Variants in LTBP1 observed in about 807,000 individuals in gnomAD.
LTBP1 encodes latent transforming growth factor beta binding protein 1, also known as latent-transforming growth factor beta-binding protein 1.
In LTBP1, 129 loss-of-function variants were observed where a neutral mutation model predicts 207.6. The observed-to-expected ratio is 0.62, with a 90% CI of 0.54 to 0.72. The LOEUF is 0.72. Among genes scored for constraint, LTBP1 ranks in the 30% least tolerant of loss-of-function variants. The pLI is 0.00. For synonymous variants in LTBP1, 963 were observed against 833.7 expected (o/e 1.16, Z -2.67); for missense variants, 2,281 against 2,217.2 (o/e 1.03, Z -0.58).
intron 24 of LTBP1, among the ~76,000 whole-genome samples, chr2:33,339,912 T>C (rs1332576580): frequency 6.6e-6 from 1 of 152,116 alleles, no homozygotes; most frequent in African/African-American, 2.4e-5. Flanking sequence ...CCCAAAGTGC[T>C]GGGATTACAG....
At chr2:33,138,220 C>G (rs1368563424) in intron 5 of LTBP1, among the ~76,000 whole-genome samples, 1 of 152,162 alleles carries the variant, frequency 6.6e-6, no homozygotes, top group Non-Finnish European at 1.5e-5. Context: ...TTTCGCATGA[C>G]TATTGAGCAT....
intron 20 of LTBP1, among the ~76,000 whole-genome samples, chr2:33,299,996 T>C (rs1190219727): frequency 6.6e-6 from 1 of 152,230 alleles, no homozygotes; most frequent in Non-Finnish European, 1.5e-5. Flanking sequence ...TAGTTCAACT[T>C]CTAGACAAAG....
At chr2:32,954,334 T>C (rs1026368466) in intron 2 of LTBP1, among the ~76,000 whole-genome samples, 3 of 152,234 alleles carry the variant, frequency 2.0e-5, no homozygotes, top group Non-Finnish European at 2.9e-5. Context: ...AGAAATGTAT[T>C]GTCTCACAGT....
intron 9 of LTBP1, among the ~76,000 whole-genome samples, chr2:33,235,834 A>T (rs1002600434): frequency 6.6e-6 from 1 of 152,208 alleles, no homozygotes; most frequent in Non-Finnish European, 1.5e-5. Flanking sequence ...GTTCTCACTC[A>T]TAAGTGGGAG....
At chr2:33,063,345 C>T (rs183820290) in intron 3 of LTBP1, among the ~76,000 whole-genome samples, 7 of 152,156 alleles carry the variant, frequency 4.6e-5, no homozygotes, top group Admixed American at 3.3e-4. Flanking sequence ...CTCAGGAGTA[C>T]AGTGGAGTTT....
chr2:33,047,255 C>T (rs1434412508), intron 3 of LTBP1, among the ~76,000 whole-genome samples: 1 of 152,174 alleles, frequency 6.6e-6, no homozygotes, highest in African/African-American at 2.4e-5. Flanking sequence ...GCATTTAGTG[C>T]TATAAATTTC....
At chr2:33,067,033 G>T (rs1290611819) in intron 3 of LTBP1, among the ~76,000 whole-genome samples, 1 of 152,108 alleles carries the variant, frequency 6.6e-6, no homozygotes, top group Non-Finnish European at 1.5e-5. Context: ...AAAAAGCCAG[G>T]CATGGTGGCA....
At chr2:33,099,481 G>C (rs1480473815) in intron 3 of LTBP1, among the ~76,000 whole-genome samples, 1 of 152,096 alleles carries the variant, frequency 6.6e-6, no homozygotes, top group Non-Finnish European at 1.5e-5. Flanking sequence ...TGGTGTGACT[G>C]GAGAACAGTT....
In LTBP1 at chr2:33,281,696, T is replaced by C. The variant is rs1365064482; in HGVS notation, c.3112+1538T>C. Among the ~76,000 whole-genome samples, 6 of 152,208 alleles carry C rather than the reference T, an allele frequency of 3.9e-5. No individual in the cohort carries two copies. The South Asian group carries it at 1.2e-3, about 32-fold the overall frequency. On this transcript the variant is annotated intron_variant, in intron 19 of 33. Coordinates refer to ENST00000404816, the MANE Select transcript of LTBP1 (RefSeq NM_206943.4). ...GGCCCATCCCCAACCCAAGAGTCTC[T>C]GCTGATGGAGTTGTGAGATGTAGTC... is the stretch of plus-strand genomic sequence containing the variant.
At chr2:33,327,875 A>G (rs979139279) in intron 24 of LTBP1, among the ~76,000 whole-genome samples, 1 of 152,010 alleles carries the variant, frequency 6.6e-6, no homozygotes. Flanking sequence ...GCAGTGACTC[A>G]CGCCTGTAAT....
chr2:32,975,971 A>G (rs761668008), intron 2 of LTBP1, among the ~76,000 whole-genome samples: 4 of 152,172 alleles, frequency 2.6e-5, no homozygotes, highest in Admixed American at 1.3e-4. Flanking sequence ...AGGTAAGAAG[A>G]CACTCTAGCT....
chr2:32,981,726 G>C (rs1682790424), intron 2 of LTBP1, among the ~76,000 whole-genome samples: 1 of 152,098 alleles, frequency 6.6e-6, no homozygotes, highest in Non-Finnish European at 1.5e-5. Flanking sequence ...GAATCATGGG[G>C]GCGAGTTTTT....
intron 2 of LTBP1, 25 bp from the exon 3 acceptor site, chr2:33,020,884 T>C (rs759141516): frequency 6.5e-7 from 1 of 1,548,460 alleles, no homozygotes; most frequent in Non-Finnish European, 8.8e-7. Flanking sequence ...TCTTCAAAGC[T>C]GTGCCTTCTG....
intron 10 of LTBP1, among the ~76,000 whole-genome samples, chr2:33,248,998 A>G (rs1034100387): frequency 1.3e-5 from 2 of 152,138 alleles, no homozygotes; most frequent in Non-Finnish European, 2.9e-5. Flanking sequence ...CTAGACCTGT[A>G]TCCTAACACT....
At chr2:33,250,576 C>T (rs1026709585) in intron 10 of LTBP1, among the ~76,000 whole-genome samples, 1 of 152,146 alleles carries the variant, frequency 6.6e-6, no homozygotes, top group African/African-American at 2.4e-5. Context: ...AGATGAGAGA[C>T]CTCCAGTGAT....
chr2:33,108,260 TA>T (rs2080179168), intron 3 of LTBP1, among the ~76,000 whole-genome samples: 1 of 151,114 alleles, frequency 6.6e-6, no homozygotes, highest in African/African-American at 2.4e-5. Context: ...GCCTGTGGGG[TA>T]CCTGTGCACG....
chr2:33,231,596 G>A (rs961649574), intron 9 of LTBP1, among the ~76,000 whole-genome samples: 18 of 152,060 alleles, frequency 1.2e-4, no homozygotes, highest in African/African-American at 4.3e-4. Flanking sequence ...AGTACTGTGA[G>A]CAGGTAAAGG....
At chr2:33,384,470 G>C (rs914417732) in intron 31 of LTBP1, among the ~76,000 whole-genome samples, 1 of 152,202 alleles carries the variant, frequency 6.6e-6, no homozygotes, top group Non-Finnish European at 1.5e-5. Flanking sequence ...CTAGATTCCA[G>C]ATGGACACAT....
intron 5 of LTBP1, among the ~76,000 whole-genome samples, chr2:33,171,534 G>A (rs368124368): frequency 0.034 from 5,190 of 151,232 alleles, 110 homozygotes; most frequent in Middle Eastern, 0.14. Flanking sequence ...CGTCTGATTG[G>A]TGTACCTGAA....
Sources: gnomAD v4.1 joint callset for allele counts (sites outside exome capture counted in the v4.1 genomes callset) on GRCh38, gnomAD v4.1.1 for gene constraint, MANE v1.5 for transcripts, NCBI Gene and HGNC (gene_info 2026-07-23, HGNC 2026-07-21) for gene names.